IFIH1: variants seen among roughly 807,000 people sequenced by gnomAD.
The protein encoded by IFIH1 is interferon induced with helicase C domain 1.
In IFIH1, 125 loss-of-function variants were observed where a neutral mutation model predicts 107.4. The observed-to-expected ratio is 1.16, with a 90% CI of 1.01 to 1.35. IFIH1 has a LOEUF of 1.35. IFIH1 is among the 40% of genes most tolerant of loss of function. IFIH1 has a pLI of 0.00. For synonymous variants in IFIH1, 458 were observed against 413.2 expected, an observed-to-expected ratio of 1.11 and a Z score of -1.31; for missense variants, 1,333 against 1,213.7, an observed-to-expected ratio of 1.10 and a Z score of -1.46.
At position 162,272,404 on chromosome 2, in the gene IFIH1, A is replaced by C; in HGVS notation, c.2455-17T>G. On this transcript the variant is annotated splice_polypyrimidine_tract_variant and intron_variant, in intron 12 of 15. Transcript: ENST00000649979. The stretch of plus-strand genomic sequence containing the variant: ...ACCACGGGCCTGAAAACACAAATAA[A>C]TCAAGTAAATGAAAGGGTACGTTGT... 2 of 1,605,712 alleles carry C rather than the reference A, an allele frequency of 1.2e-6. No individual in the cohort carries two copies. Among genetic ancestry groups the C allele is most frequent in the Non-Finnish European group, 1.7e-6 (2 of 1,175,572 alleles).
chr2:162,301,041 T>C (rs1683185749), intron 3 of IFIH1, among the ~76,000 whole-genome samples: 1 of 152,104 alleles, frequency 6.6e-6, no homozygotes, highest in Admixed American at 6.6e-5. Context: ...TTTGTAAAGG[T>C]CAATTTTTAA....
intron 3 of IFIH1, among the ~76,000 whole-genome samples, chr2:162,303,160 G>T (rs886536466): frequency 2.6e-5 from 4 of 152,052 alleles, no homozygotes; most frequent in Non-Finnish European, 4.4e-5. Context: ...TATTGCTCAG[G>T]CTGGAGTGCA....
chr2:162,284,734 G>A (rs1471705115), intron 5 of IFIH1, among the ~76,000 whole-genome samples: 1 of 151,888 alleles, frequency 6.6e-6, no homozygotes, highest in African/African-American at 2.4e-5. Flanking sequence ...GCTTTATAAA[G>A]TGCAATAAAA....
intron 11 of IFIH1, 49 bp from the exon 12 acceptor site, chr2:162,273,993 A>G (rs1490413230): frequency 8.0e-7 from 1 of 1,255,440 alleles, no homozygotes; most frequent in Non-Finnish European, 1.1e-6. Flanking sequence ...AAACACATTA[A>G]AATCTTCTAA....
rs6748554 is a variant in IFIH1, at chr2:162,273,789, A to G, written c.2454+6T>C. 3.7e-3 allele frequency: 5,628 copies of G among 1,540,164 alleles called. 201 individuals are homozygous for G. The African/African-American group carries it at 0.072, about 20-fold the overall frequency. On this transcript the variant is annotated splice_donor_region_variant and intron_variant, in intron 12 of 15. Coordinates refer to ENST00000649979, the MANE Select transcript of IFIH1 (RefSeq NM_022168.4). The stretch of plus-strand genomic sequence containing the variant: ...TAACATAGTAAGTAGAGGTATTTGA[A>G]TGTACCTGGACCATGGCTATTTCAT...
intron 1 of IFIH1, among the ~76,000 whole-genome samples, chr2:162,311,857 A>T (rs1683389753): frequency 6.6e-6 from 1 of 152,180 alleles, no homozygotes; most frequent in Admixed American, 6.5e-5. Context: ...GAAATTTCAG[A>T]GTTTCTATAT....
At chr2:162,279,074 A>C (rs944953401) in intron 8 of IFIH1, among the ~76,000 whole-genome samples, 1 of 152,148 alleles carries the variant, frequency 6.6e-6, no homozygotes, top group African/African-American at 2.4e-5. Context: ...ATTCTTTTAA[A>C]AAATGTACCT....
intron 2 of IFIH1, chr2:162,310,450 T>C: frequency 2.3e-6 from 1 of 431,730 alleles, no homozygotes; most frequent in East Asian, 3.6e-5. Context: ...ACTAAAATAC[T>C]TTCTTCCAAT....
intron 3 of IFIH1, among the ~76,000 whole-genome samples, chr2:162,295,218 A>G (rs1356218329): frequency 6.6e-6 from 1 of 151,996 alleles, no homozygotes; most frequent in Non-Finnish European, 1.5e-5. Flanking sequence ...TCCACATCAG[A>G]CAACCAGTGG....
chr2:162,313,888 T>C (rs1029219826), intron 1 of IFIH1, among the ~76,000 whole-genome samples: 3 of 152,178 alleles, frequency 2.0e-5, no homozygotes, highest in African/African-American at 7.2e-5. Flanking sequence ...CCTGGGGAGA[T>C]TGACTTGGGT....
chr2:162,287,982 TA>T (rs747796070), intron 5 of IFIH1, among the ~76,000 whole-genome samples, 152 bp downstream of exon 5: 55 of 152,030 alleles, frequency 3.6e-4, no homozygotes, highest in Non-Finnish European at 6.6e-4. Context: ...TACATATACC[TA>T]AAAAAGATTA....
intron 1 of IFIH1, among the ~76,000 whole-genome samples, chr2:162,314,612 C>T (rs936944716): frequency 1.8e-4 from 27 of 151,714 alleles, no homozygotes; most frequent in African/African-American, 5.3e-4. Context: ...CTCAGCCTCC[C>T]GAGTAACTGG....
chr2:162,276,804 CT>C lies in IFIH1; in HGVS notation c.2186del (p.Gln729ArgfsTer19). 2 of 1,614,030 alleles carry C rather than the reference CT, an allele frequency of 1.2e-6. No individual in the cohort carries two copies. The highest frequency in any genetic ancestry group is 1.7e-6 in the Non-Finnish European group (2 of 1,179,950). On this transcript the variant is annotated frameshift_variant, in exon 11 of 16. Coordinates refer to ENST00000649979, the MANE Select transcript of IFIH1 (RefSeq NM_022168.4). LOFTEE classifies it high-confidence loss of function. ...TCCACTGGGAAAGCGCATATGCACT[CT>C]GTCGTGTTTTTGTAAAGATTATTCC... Reference protein sequence around the residue: ...ARGIIFTKTRQSAYALSQWIT... With the variant: ...ARGIIFTKTRXSAYALSQWIT...
rs764553894 is a variant in IFIH1 at position 162,276,749 on chromosome 2, C to T, written c.2242G>A (p.Gly748Arg). ...ITENEKFAEV[G>R]VKAHHLIGAG... ...CCAATCAGATGGTGGGCTTTGACTC[C>T]TACTTCAGCAAATTTTTCATTTTCA... Residue 748 changes from glycine (G) to arginine (R), a missense_variant, in exon 11 of 16, where the codon GGA becomes AGA. Physicochemically the swap from Gly to Arg is moderately radical, Grantham distance 125 (BLOSUM62 -2). Transcript: ENST00000649979. The T allele has an allele frequency of 2.0e-5, 32 of 1,614,006 alleles. No individual in the cohort carries two copies. Among genetic ancestry groups the T allele is most frequent in the Non-Finnish European group, 2.5e-5 (29 of 1,179,932 alleles).
chr2:162,274,705 G>A (rs1468267155), intron 11 of IFIH1, among the ~76,000 whole-genome samples: 1 of 152,114 alleles, frequency 6.6e-6, no homozygotes, highest in African/African-American at 2.4e-5. Flanking sequence ...ATCCTTACAT[G>A]GGAGAAATGA....
At chr2:162,290,182 T>C (rs13313773) in intron 4 of IFIH1, among the ~76,000 whole-genome samples, 1 of 151,654 alleles carries the variant, frequency 6.6e-6, no homozygotes, top group Non-Finnish European at 1.5e-5. Flanking sequence ...CATCTGAGTT[T>C]CATTTTTGCG....
At chr2:162,277,734 T>C in intron 9 of IFIH1, 41 bp from the exon 10 acceptor site, 1 of 1,557,010 alleles carries the variant, frequency 6.4e-7, no homozygotes, top group Admixed American at 1.9e-5. Context: ...AATAAGCATA[T>C]AAACCCCCTA....
chr2:162,285,441 TG>T (rs1682879250), intron 5 of IFIH1, among the ~76,000 whole-genome samples: 1 of 151,980 alleles, frequency 6.6e-6, no homozygotes, highest in Admixed American at 6.6e-5. Flanking sequence ...TTAGACTTAC[TG>T]GGCCAGAGGT....
In IFIH1 at chr2:162,288,006, A is replaced by G. The variant is rs1213829449; in HGVS notation, c.1095+129T>C. On this transcript the variant is annotated intron_variant, in intron 5 of 15. Transcript: ENST00000649979. ...CTAAAAAAGATTAAAGATAAAATAA[A>G]GAGCTTATTTTGACATTACTCTTAA... The G allele has an allele frequency of 4.8e-6, 3 of 622,964 alleles. No homozygotes were observed. In the East Asian group the frequency reaches 8.4e-5, roughly 17 times the overall value. The allele number at this position is 622,964 out of a possible 1,614,324, so 38.6% of individuals were successfully genotyped here.
Sources: allele counts gnomAD v4.1 joint callset (sites outside exome capture counted in the v4.1 genomes callset), GRCh38; gene constraint gnomAD v4.1.1; transcripts MANE v1.5; gene names NCBI Gene and HGNC (gene_info 2026-07-23, HGNC 2026-07-21).